The following CCN6 variants were observed in gnomAD, a reference collection of about 807,000 sequenced individuals.
The protein encoded by CCN6 is cellular communication network factor 6, also known as CCN family member 6.
CCN6 carries 31 observed loss-of-function variants against 37.4 expected under a neutral mutation model. The ratio of observed to expected loss-of-function variants is 0.83; its 90% CI spans 0.62 to 1.12. The LOEUF is 1.12. CCN6 is among the 50% of genes most tolerant of loss of function. The pLI is 0.00. For synonymous variants in CCN6, 137 were observed against 142.1 expected (o/e 0.96, Z 0.26); for missense variants, 369 against 413.8 (o/e 0.89, Z 0.94).
Position 112,061,072 on chromosome 6 carries a change from C to A in CCN6, c.130C>A (p.Arg44Ser), listed in dbSNP as rs137881483. The A allele has an allele frequency of 6.2e-7, 1 of 1,614,034 alleles. No individual in the cohort carries two copies. Among genetic ancestry groups the A allele is most frequent in the Admixed American group, 1.7e-5 (1 of 59,988 alleles). The change falls in exon 2 of 5, where the codon CGT becomes AGT. Residue 44 changes from arginine (R) to serine (S), a missense_variant. By Grantham distance (110) the Arg-to-Ser change is moderately radical (BLOSUM62 -1). Transcript: ENST00000368666. The part of the protein sequence containing the change: ...RPGEVSDAPQ[R>S]KQFCHWPCKC... ...TGGAGAAGTGTCAGATGCACCTCAGCGTAAACAGTTTTGTCACTGGCCCTG... is the reference window on the plus strand; with the variant it reads ...TGGAGAAGTGTCAGATGCACCTCAGAGTAAACAGTTTTGTCACTGGCCCTG...
chr6:112,054,770 T>C (rs1776297044), intron 1 of CCN6: 1 of 249,172 alleles, frequency 4.0e-6, no homozygotes, highest in Non-Finnish European at 7.9e-6. Context: ...CAACTTTCCA[T>C]TGCTGTTTGC....
chr6:112,068,100 T>C (rs1776752719), intron 3 of CCN6, 105 bp from the exon 4 acceptor site: 8 of 994,124 alleles, frequency 8.0e-6, no homozygotes, highest in Non-Finnish European at 1.1e-5. Context: ...AGTTATATTA[T>C]ACAAAAATAC....
intron 3 of CCN6, 45 bp from the exon 4 acceptor site, chr6:112,068,154 ATACAAG>A (rs782074788): frequency 4.5e-5 from 62 of 1,368,852 alleles, no homozygotes; most frequent in Non-Finnish European, 5.7e-5. Flanking sequence ...TTATCTATTT[ATACAAG>A]TACATTTATA....
At chr6:112,068,092 T>G in intron 3 of CCN6, 113 bp from the exon 4 acceptor site, 2 of 921,876 alleles carry the variant, frequency 2.2e-6, no homozygotes, top group African/African-American at 1.7e-5. Context: ...TTATTCTGAG[T>G]TATATTATAC....
chr6:112,069,392 A>G lies in CCN6; in HGVS notation c.837A>G (p.Lys279=), dbSNP rs782116051. 1.2e-6 allele frequency: 2 copies of G among 1,613,672 alleles called. No individual in the cohort carries two copies. The highest frequency in any genetic ancestry group is 1.7e-6 in the Non-Finnish European group (2 of 1,179,862). ...CTTTCCAACTCTCCAAAGCTGAAAA[A>G]TTTGTCTTTTCTGGATGCTCAAGTA... ...QPTFQLSKAE[K]FVFSGCSSTQ... Residue 279 remains lysine (K), a synonymous_variant, in exon 5 of 5, where the codon AAA becomes AAG. Coordinates refer to ENST00000368666, the MANE Select transcript of CCN6 (RefSeq NM_198239.2).
At position 112,061,033 on chromosome 6, in the gene CCN6, C is replaced by A. The variant is rs145590972; in HGVS notation, c.91C>A (p.Pro31Thr). 2.9e-3 allele frequency: 4,714 copies of A among 1,614,056 alleles called. 6 individuals are homozygous for A. Among genetic ancestry groups the A allele is most frequent in the Middle Eastern group, 5.1e-3 (31 of 6,058 alleles). ...GGGCACTGGACCATTAGATACAACA[C>A]CTGAAGGAAGGCCTGGAGAAGTGTC... ...VQGTGPLDTT[P>T]EGRPGEVSDA... The change falls in exon 2 of 5, where the codon CCT (proline) becomes ACT (threonine). Residue 31 changes from proline (P) to threonine (T), a missense_variant. Physicochemically the swap from Pro to Thr is conservative, Grantham distance 38. Transcript: ENST00000368666.
chr6:112,054,000 T>A (rs1471338668), upstream of CCN6: 3 of 448,168 alleles, frequency 6.7e-6, no homozygotes, highest in African/African-American at 6.0e-5. Context: ...CCCCACCCGT[T>A]GTCGGGGGCA....
intron 2 of CCN6, among the ~76,000 whole-genome samples, chr6:112,063,328 G>T (rs781792122): frequency 1.2e-4 from 18 of 152,124 alleles, no homozygotes; most frequent in Non-Finnish European, 2.1e-4. Flanking sequence ...AAAATTAGCT[G>T]CATCATGGAA....
intron 1 of CCN6, among the ~76,000 whole-genome samples, chr6:112,057,184 T>C (rs1776372016): frequency 6.6e-6 from 1 of 152,006 alleles, no homozygotes; most frequent in South Asian, 2.1e-4. Flanking sequence ...TGGCAAGTCA[T>C]GGAAGGAGAG....
In CCN6 at chr6:112,064,827, T is replaced by G; in HGVS notation, c.419T>G (p.Leu140Trp). 1 of 1,614,120 alleles carries G rather than the reference T, an allele frequency of 6.2e-7. No individual in the cohort carries two copies. The highest frequency in any genetic ancestry group is 8.5e-7 in the Non-Finnish European group (1 of 1,179,960). Residue 140 changes from leucine to tryptophan, a missense_variant, in exon 3 of 5, where the codon TTG (leucine) becomes TGG (tryptophan). Physicochemically the swap from Leu to Trp is moderately conservative, Grantham distance 61. Coordinates refer to ENST00000368666, the MANE Select transcript of CCN6 (RefSeq NM_198239.2). ...GGCCAAGTGTTTCAGCCCAACCCCT[T>G]GTTCAGCTGCCTCTGTGTGAGTGGG... Reference protein sequence around the residue: ...HNGQVFQPNPLFSCLCVSGAI... With the variant: ...HNGQVFQPNPWFSCLCVSGAI...
chr6:112,056,603 C>T (rs1201926428), intron 1 of CCN6, among the ~76,000 whole-genome samples: 1 of 152,138 alleles, frequency 6.6e-6, no homozygotes, highest in East Asian at 1.9e-4. Flanking sequence ...GCAACCTCTG[C>T]CTTCTGGGTT....
In CCN6 at chr6:112,064,862, T is replaced by C. The variant is rs1776631939; in HGVS notation, c.454T>C (p.Cys152Arg). Residue 152 changes from cysteine (C) to arginine (R), a missense_variant, in exon 3 of 5, where the codon TGC (cysteine) becomes CGC (arginine). Cys to Arg is a radical substitution (Grantham distance 180, BLOSUM62 -3). Transcript: ENST00000368666. ...SCLCVSGAIG[C>R]TPLFIPKLAG... ...CCTCTGTGTGAGTGGGGCCATTGGA[T>C]GCACACCTCTGTTCATACCAAAGCT... The C allele has an allele frequency of 1.2e-6, 2 of 1,614,002 alleles. No homozygotes were observed. Among genetic ancestry groups the C allele is most frequent in the Non-Finnish European group, 1.7e-6 (2 of 1,179,970 alleles).
At chr6:112,056,575 G>A (rs1187942821) in intron 1 of CCN6, among the ~76,000 whole-genome samples, 1 of 152,098 alleles carries the variant, frequency 6.6e-6, no homozygotes, top group African/African-American at 2.4e-5. Flanking sequence ...GGAGTGCAGT[G>A]GCGTGTCTTG....
chr6:112,061,415 A>T, intron 2 of CCN6, 127 bp downstream of exon 2: 1 of 1,165,394 alleles, frequency 8.6e-7, no homozygotes, highest in Non-Finnish European at 1.3e-6. Flanking sequence ...GTTTTCATGC[A>T]CCAGTGGGAC....
chr6:112,063,508 C>G (rs1387625963), intron 2 of CCN6, among the ~76,000 whole-genome samples: 2 of 152,260 alleles, frequency 1.3e-5, no homozygotes, highest in Non-Finnish European at 2.9e-5. Flanking sequence ...TATTGATACA[C>G]TTAATTATGT....
In CCN6 at chr6:112,069,586, C is replaced by G. The variant is rs1279000757; in HGVS notation, c.1031C>G (p.Pro344Arg). Reference sequence around the variant, plus strand: ...GTGTGTCAGAGAAACTGCAGAGAACCTGGAGATATATTTTCTGAGCTCAAG... The same window carrying G: ...GTGTGTCAGAGAAACTGCAGAGAACGTGGAGATATATTTTCTGAGCTCAAG... ...SCVCQRNCRE[P>R]GDIFSELKIL The change falls in exon 5 of 5, where the codon CCT (proline) becomes CGT (arginine). Residue 344 changes from proline (P) to arginine (R), a missense_variant. By Grantham distance (103) the Pro-to-Arg change is moderately radical (BLOSUM62 -2). Coordinates refer to ENST00000368666, the MANE Select transcript of CCN6 (RefSeq NM_198239.2). 2 of 1,613,456 alleles carry G rather than the reference C, an allele frequency of 1.2e-6. No homozygotes were observed. Among genetic ancestry groups the G allele is most frequent in the Non-Finnish European group, 1.7e-6 (2 of 1,179,774 alleles).
intron 1 of CCN6, chr6:112,054,638 C>G: frequency 1.9e-6 from 1 of 530,304 alleles, no homozygotes; most frequent in South Asian, 2.0e-5. Flanking sequence ...GGCACCGAAG[C>G]CTCCTTTCGC....
At chr6:112,057,867 G>A (rs1263807206) in intron 1 of CCN6, among the ~76,000 whole-genome samples, 4 of 152,144 alleles carry the variant, frequency 2.6e-5, no homozygotes, top group African/African-American at 7.2e-5. Context: ...GAGAAAGTGC[G>A]TTGAAAAGTA....
chr6:112,065,628 A>G (rs200173684), intron 3 of CCN6, among the ~76,000 whole-genome samples: 1,834 of 139,312 alleles, frequency 0.013, 17 homozygotes, highest in Non-Finnish European at 0.02. Context: ...ACACGCACGC[A>G]CACACACACA....
Sources: allele counts gnomAD v4.1 joint callset (sites outside exome capture counted in the v4.1 genomes callset), GRCh38; gene constraint gnomAD v4.1.1; transcripts MANE v1.5; gene names NCBI Gene and HGNC (gene_info 2026-07-23, HGNC 2026-07-21).